SLC12A8: variants seen among roughly 807,000 people sequenced by gnomAD.
The protein encoded by SLC12A8 is cation-chloride cotransporter 9.
In SLC12A8, 69 loss-of-function variants were observed where a neutral mutation model predicts 75.6. The ratio of observed to expected loss-of-function variants is 0.91; its 90% CI spans 0.75 to 1.11. The LOEUF is 1.11. Among genes scored for constraint, SLC12A8 ranks in the 50% most tolerant of loss-of-function variants. SLC12A8 has a pLI of 0.00. For missense variants in SLC12A8, 877 were observed against 896.7 expected (o/e 0.98, Z 0.28); for synonymous variants, 365 against 372.8 (o/e 0.98, Z 0.24).
At chr3:125,183,049 G>C (rs370313856) in intron 4 of SLC12A8, among the ~76,000 whole-genome samples, 2 of 151,988 alleles carry the variant, frequency 1.3e-5, no homozygotes, top group African/African-American at 4.8e-5. Flanking sequence ...TTATGTTTAC[G>C]CAAAAACTAA....
Position 125,091,543 on chromosome 3 carries a change from A to C in SLC12A8, c.1817T>G (p.Leu606Arg). 2 of 1,613,066 alleles carry C rather than the reference A, an allele frequency of 1.2e-6. No individual in the cohort carries two copies. The highest frequency in any genetic ancestry group is 1.7e-6 in the Non-Finnish European group (2 of 1,179,044). ...WVSLLGAVGS[L>R]LIMFVIQWVY... ...CCACTGTATCACAAACATGATGAGA[A>C]GGGACCCAACAGCCTGTGAAAACAG... The change falls in exon 12 of 14, where the codon CTT becomes CGT. Residue 606 changes from leucine (L) to arginine (R), a missense_variant. Physicochemically the swap from Leu to Arg is moderately radical, Grantham distance 102 (BLOSUM62 -2). Transcript: ENST00000469902.
chr3:125,207,805 T>C (rs961614724), intron 2 of SLC12A8, among the ~76,000 whole-genome samples: 1 of 152,206 alleles, frequency 6.6e-6, no homozygotes, highest in East Asian at 1.9e-4. Flanking sequence ...GCTGTTTCTT[T>C]CTTAGTTTTC....
chr3:125,083,623 G>A lies in SLC12A8; in HGVS notation c.*267C>T. ...TATAATCCCAGCTACTCAGGAGGCT[G>A]AGGCAGGAGAATTGCTTGAACTCGG... is the stretch of plus-strand genomic sequence containing the variant. On this transcript the variant is annotated 3_prime_UTR_variant, in exon 14 of 14. Transcript: ENST00000469902. 3.0e-6 allele frequency: 1 copy of A among 332,978 alleles called. No individual in the cohort carries two copies. Among genetic ancestry groups the A allele is most frequent in the South Asian group, 3.8e-5 (1 of 26,562 alleles). 20.6% of individuals were successfully genotyped at this position (332,978 alleles called of 1,614,324 possible). A position where few individuals can be genotyped will look rare whatever the true frequency, so the allele number is the denominator to read the frequency against.
chr3:125,134,645 T>C (rs1309153891), intron 6 of SLC12A8, among the ~76,000 whole-genome samples: 1 of 152,238 alleles, frequency 6.6e-6, no homozygotes, highest in Non-Finnish European at 1.5e-5. Flanking sequence ...CAAACTTTTT[T>C]CCAAAGTCAC....
chr3:125,128,807 A>T (rs1032730791), intron 6 of SLC12A8, among the ~76,000 whole-genome samples: 2 of 152,182 alleles, frequency 1.3e-5, no homozygotes, highest in African/African-American at 4.8e-5. Flanking sequence ...CTCACAAGAC[A>T]CATAACTTGT....
At chr3:125,109,281 G>C (rs1440006351) in intron 9 of SLC12A8, among the ~76,000 whole-genome samples, 1 of 152,048 alleles carries the variant, frequency 6.6e-6, no homozygotes, top group Non-Finnish European at 1.5e-5. Flanking sequence ...TTGAATACCG[G>C]CATTATACTG....
At position 125,110,198 on chromosome 3, in the gene SLC12A8, C is replaced by T. The variant is rs758697489; in HGVS notation, c.1050G>A (p.Leu350=). 6.2e-7 allele frequency: 1 copy of T among 1,612,748 alleles called. No homozygotes were observed. Residue 350 remains leucine (L), a synonymous_variant, in exon 9 of 14, where the codon CTG becomes CTA. Coordinates refer to ENST00000469902, the MANE Select transcript of SLC12A8 (RefSeq NM_024628.6). ...AAAGAGGATTACTCACCCCTTGTCC[C>T]AGACAGGCAAGTGCAGGGATCACTT... ...QEKVIPALAC[L]GQGKGPNKTP... is the part of the protein sequence containing the mutation.
At chr3:125,163,327 G>A (rs1334600710) in intron 5 of SLC12A8, among the ~76,000 whole-genome samples, 1 of 151,766 alleles carries the variant, frequency 6.6e-6, no homozygotes, top group African/African-American at 2.4e-5. Context: ...AAAAAAGAAA[G>A]CCGGGTGCGG....
chr3:125,091,435 T>G lies in SLC12A8; in HGVS notation c.1921+4A>C, dbSNP rs1441656238. On this transcript the variant is annotated splice_donor_region_variant and intron_variant, in intron 12 of 13. Coordinates refer to ENST00000469902, the MANE Select transcript of SLC12A8 (RefSeq NM_024628.6). ...ACCAGTGGCAAAATGGCTCTGCTGC[T>G]TACCAAGGTGAAGCCCTGGACTGGC... The G allele has an allele frequency of 6.2e-7, 1 of 1,608,110 alleles. No individual in the cohort carries two copies. Among genetic ancestry groups the G allele is most frequent in the Non-Finnish European group, 8.5e-7 (1 of 1,174,718 alleles).
intron 10 of SLC12A8, among the ~76,000 whole-genome samples, chr3:125,100,837 C>T (rs1938854497): frequency 6.8e-6 from 1 of 147,828 alleles, no homozygotes; most frequent in Admixed American, 6.7e-5. Context: ...CAAGGTGAAA[C>T]CCCGTCTCTA....
intron 8 of SLC12A8, 66 bp from the exon 9 acceptor site, chr3:125,110,401 C>A (rs1276616460): frequency 2.0e-6 from 3 of 1,508,326 alleles, no homozygotes; most frequent in Non-Finnish European, 2.7e-6. Context: ...ACCCCCCCAG[C>A]ACCCACCCAC....
chr3:125,156,913 C>T (rs78844455), intron 5 of SLC12A8, among the ~76,000 whole-genome samples: 2,598 of 152,254 alleles, frequency 0.017, 81 homozygotes, highest in African/African-American at 0.059. Flanking sequence ...TTATGATTTC[C>T]GTATCTTTAA....
At chr3:125,172,484 C>G (rs995683635) in intron 5 of SLC12A8, among the ~76,000 whole-genome samples, 1 of 152,116 alleles carries the variant, frequency 6.6e-6, no homozygotes, top group African/African-American at 2.4e-5. Context: ...CAGTGAGATC[C>G]TCCAGCCCCA....
At chr3:125,092,283 C>T in intron 10 of SLC12A8, 85 bp from the exon 11 acceptor site, 1 of 882,006 alleles carries the variant, frequency 1.1e-6, no homozygotes, top group Non-Finnish European at 1.8e-6. Context: ...AGCTCCTCTT[C>T]CCCAATTTTG....
At chr3:125,187,953 G>A (rs527918901) in intron 3 of SLC12A8, among the ~76,000 whole-genome samples, 1 of 152,270 alleles carries the variant, frequency 6.6e-6, no homozygotes, top group South Asian at 2.1e-4. Context: ...GTCATATTGA[G>A]TCTGTTTCCA....
intron 5 of SLC12A8, among the ~76,000 whole-genome samples, chr3:125,145,765 A>G (rs559768920): frequency 2.5e-4 from 38 of 152,166 alleles, no homozygotes; most frequent in African/African-American, 8.0e-4. Flanking sequence ...ATACAATTAT[A>G]TTATAATAAA....
rs1560077720 is a variant in SLC12A8 at position 125,179,733 on chromosome 3, A to AGAGAGAGAGAG, written c.391-1760_391-1759insCTCTCTCTCTC. On this transcript the variant is annotated intron_variant, in intron 4 of 13. Coordinates refer to ENST00000469902, the MANE Select transcript of SLC12A8 (RefSeq NM_024628.6). ...AGAGAGAGAGAGAGAGAGAGAGAGA[A>AGAGAGAGAGAG]AGAGAAAGACAGAGAGACTAATGTT... Among the ~76,000 whole-genome samples, 60 of 135,080 alleles carry AGAGAGAGAGAG rather than the reference A, an allele frequency of 4.4e-4. 1 individual carries two copies. Among genetic ancestry groups the AGAGAGAGAGAG allele is most frequent in the African/African-American group, 1.7e-3 (58 of 33,360 alleles). 88.6% of individuals were successfully genotyped at this position (135,080 alleles called of 152,430 possible).
At chr3:125,087,808 C>A (rs1271320224) in intron 13 of SLC12A8, among the ~76,000 whole-genome samples, 1 of 152,198 alleles carries the variant, frequency 6.6e-6, no homozygotes, top group Admixed American at 6.5e-5. Context: ...TCCTGTATAT[C>A]TGACCATAGA....
At chr3:125,159,734 G>A (rs1225615838) in intron 5 of SLC12A8, among the ~76,000 whole-genome samples, 2 of 152,198 alleles carry the variant, frequency 1.3e-5, no homozygotes, top group Non-Finnish European at 2.9e-5. Context: ...GGTAGGCAAT[G>A]AGGAGCTTAG....
Sources: gnomAD v4.1 joint callset for allele counts (sites outside exome capture counted in the v4.1 genomes callset) on GRCh38, gnomAD v4.1.1 for gene constraint, MANE v1.5 for transcripts, NCBI Gene and HGNC (gene_info 2026-07-23, HGNC 2026-07-21) for gene names.